FHOD3: variants seen among roughly 807,000 people sequenced by gnomAD.
The protein encoded by FHOD3 is formin homology 2 domain containing 3, also known as FH1/FH2 domain-containing protein 3.
FHOD3 carries 90 observed loss-of-function variants against 173.0 expected under a neutral mutation model. That is an observed-to-expected ratio of 0.52 (90% CI 0.44 to 0.62). The LOEUF (loss-of-function observed/expected upper bound fraction) is 0.62, where lower values mean the gene tolerates loss of function less well. FHOD3 is among the 20% of genes least tolerant of loss of function. The pLI, the probability that FHOD3 is intolerant of heterozygous loss-of-function variation, is 0.00. For missense variants in FHOD3, 1,945 were observed against 2,034.7 expected, an observed-to-expected ratio of 0.96 and a Z score of 0.85; for synonymous variants, 828 against 823.0, an observed-to-expected ratio of 1.01 and a Z score of -0.10.
At chr18:36,381,864 A>T (rs904495364) in intron 3 of FHOD3, among the ~76,000 whole-genome samples, 1 of 152,240 alleles carries the variant, frequency 6.6e-6, no homozygotes, top group Non-Finnish European at 1.5e-5. Context: ...ACGCCATGGT[A>T]TCACCTCAAA....
chr18:36,432,082 G>A (rs1445577786), intron 3 of FHOD3, among the ~76,000 whole-genome samples: 2 of 152,174 alleles, frequency 1.3e-5, no homozygotes, highest in Non-Finnish European at 2.9e-5. Context: ...CCAAGCTAGC[G>A]CTGCCTCTCA....
At chr18:36,513,904 C>T (rs2029847) in intron 5 of FHOD3, among the ~76,000 whole-genome samples, 87,780 of 151,664 alleles carry the variant, frequency 0.58, 25,447 homozygotes, top group East Asian at 0.62. Context: ...TGTGGGGCTG[C>T]GGAGTTGGCT....
At chr18:36,695,171 G>A (rs1292991140) in intron 17 of FHOD3, among the ~76,000 whole-genome samples, 6 of 149,740 alleles carry the variant, frequency 4.0e-5, no homozygotes, top group African/African-American at 1.2e-4. Context: ...GGAGAAAACC[G>A]GTCTCTGCTA....
At chr18:36,631,946 A>G (rs2034544373) in intron 10 of FHOD3, among the ~76,000 whole-genome samples, 1 of 152,210 alleles carries the variant, frequency 6.6e-6, no homozygotes, top group Non-Finnish European at 1.5e-5. Flanking sequence ...CTAATGTTCC[A>G]ATATATAGAT....
chr18:36,567,827 C>T (rs781602983), intron 5 of FHOD3, among the ~76,000 whole-genome samples: 39 of 152,070 alleles, frequency 2.6e-4, no homozygotes, highest in Non-Finnish European at 5.3e-4. Context: ...GCCCCCTCTC[C>T]CCCAGGTAAT....
chr18:36,310,845 A>C (rs925529430), intron 1 of FHOD3, among the ~76,000 whole-genome samples: 1 of 152,000 alleles, frequency 6.6e-6, no homozygotes, highest in African/African-American at 2.4e-5. Flanking sequence ...CACAGGTAGG[A>C]TATGGGAGTC....
chr18:36,738,386 CT>C (rs1318324364), intron 20 of FHOD3, among the ~76,000 whole-genome samples: 7 of 152,170 alleles, frequency 4.6e-5, no homozygotes, highest in Admixed American at 3.3e-4. Flanking sequence ...TATGTTTAAT[CT>C]TTTGAGGAAC....
intron 3 of FHOD3, among the ~76,000 whole-genome samples, chr18:36,499,778 G>A (rs1339192699): frequency 6.6e-6 from 1 of 152,180 alleles, no homozygotes; most frequent in African/African-American, 2.4e-5. Context: ...TAGATGTTCA[G>A]ATTGGGGATG....
chr18:36,462,768 G>A (rs974168644), intron 3 of FHOD3, among the ~76,000 whole-genome samples: 46 of 152,178 alleles, frequency 3.0e-4, no homozygotes, highest in African/African-American at 1.0e-3. Context: ...AGGGCTACTC[G>A]TGTGTGCCAC....
chr18:36,606,736 T>A (rs1423882375), intron 8 of FHOD3, among the ~76,000 whole-genome samples: 1 of 152,184 alleles, frequency 6.6e-6, no homozygotes, highest in Non-Finnish European at 1.5e-5. Flanking sequence ...GCTGTGAGTC[T>A]GAAATCAAAC....
chr18:36,595,988 A>G (rs752591851), intron 7 of FHOD3, among the ~76,000 whole-genome samples: 7 of 152,182 alleles, frequency 4.6e-5, no homozygotes, highest in Non-Finnish European at 8.8e-5. Context: ...CTCTAGTTTC[A>G]ACAAAGATAA....
intron 1 of FHOD3, among the ~76,000 whole-genome samples, chr18:36,344,433 A>G (rs1231872485): frequency 5.3e-5 from 8 of 152,196 alleles, no homozygotes; most frequent in Non-Finnish European, 1.2e-4. Flanking sequence ...TATAAATCAT[A>G]TTAAAGTGGT....
intron 5 of FHOD3, among the ~76,000 whole-genome samples, chr18:36,524,326 G>A (rs1285661072): frequency 6.6e-6 from 1 of 151,616 alleles, no homozygotes; most frequent in Non-Finnish European, 1.5e-5. Flanking sequence ...CGGGTGACTA[G>A]CATTCATGTG....
In FHOD3 at chr18:36,297,773, C is replaced by G; in HGVS notation, c.-63C>G. On this transcript the variant is annotated 5_prime_UTR_variant, in exon 1 of 29. Coordinates refer to ENST00000590592, the MANE Select transcript of FHOD3 (RefSeq NM_001281740.3). The stretch of plus-strand genomic sequence containing the variant: ...GCGGCCTCCCCTGCGCGCAGCTACC[C>G]GGGCGTCCCGGCCCGCGGCCCCGCT... 4.3e-6 allele frequency: 6 copies of G among 1,399,118 alleles called. No homozygotes were observed. The highest frequency in any genetic ancestry group is 1.5e-5 in the South Asian group (1 of 68,234). The allele number at this position is 1,399,118 out of a possible 1,614,324, so 86.7% of individuals were successfully genotyped here. A position where few individuals can be genotyped will look rare whatever the true frequency, so the allele number is the denominator to read the frequency against.
intron 3 of FHOD3, among the ~76,000 whole-genome samples, chr18:36,424,871 C>T (rs1411792487): frequency 1.3e-5 from 2 of 152,208 alleles, no homozygotes; most frequent in Admixed American, 1.3e-4. Flanking sequence ...GCAGCATACA[C>T]TACCTGGCCA....
At position 36,760,670 on chromosome 18, in the gene FHOD3, G is replaced by A. The variant is rs1374126094; in HGVS notation, c.4512G>A (p.Ala1504=). ...GCCAGCCGCAGGGTCTGAGCTATGC[G>A]GAGGACGCGGCTGAGCACGAGAACA... ...PPSQPQGLSY[A]EDAAEHENMK... Residue 1504 remains alanine, a synonymous_variant, in exon 27 of 29, where the codon GCG becomes GCA. Transcript: ENST00000590592. 2 of 1,613,296 alleles carry A rather than the reference G, an allele frequency of 1.2e-6. No homozygotes were observed. Among genetic ancestry groups the A allele is most frequent in the Admixed American group, 1.7e-5 (1 of 60,020 alleles).
chr18:36,684,362 A>G (rs974585293), intron 15 of FHOD3, among the ~76,000 whole-genome samples: 1 of 152,226 alleles, frequency 6.6e-6, no homozygotes. Context: ...CTCAAAGGGA[A>G]AAGAGAATTA....
At chr18:36,454,396 C>T (rs2043586959) in intron 3 of FHOD3, among the ~76,000 whole-genome samples, 1 of 152,174 alleles carries the variant, frequency 6.6e-6, no homozygotes, top group Non-Finnish European at 1.5e-5. Context: ...CAGGCATACA[C>T]ACAGGCATTC....
At chr18:36,698,949 G>A (rs374081060) in intron 17 of FHOD3, among the ~76,000 whole-genome samples, 6 of 152,120 alleles carry the variant, frequency 3.9e-5, no homozygotes, top group South Asian at 2.1e-4. Flanking sequence ...TATAATGGGC[G>A]GTAAACATGC....
Sources: gnomAD v4.1 joint callset for allele counts (sites outside exome capture counted in the v4.1 genomes callset) on GRCh38, gnomAD v4.1.1 for gene constraint, MANE v1.5 for transcripts, NCBI Gene and HGNC (gene_info 2026-07-23, HGNC 2026-07-21) for gene names.